The following TRPM1 variants were observed in gnomAD, a reference collection of about 807,000 sequenced individuals.
TRPM1 encodes TRPM1-203 APA Isoform, Intron 10.
TRPM1 carries 113 observed loss-of-function variants against 149.4 expected under a neutral mutation model. The ratio of observed to expected loss-of-function variants is 0.76; its 90% CI spans 0.65 to 0.88. The LOEUF (loss-of-function observed/expected upper bound fraction) is 0.88, where lower values mean the gene tolerates loss of function less well. TRPM1 is among the 40% of genes least tolerant of loss of function. The pLI is 0.00. For missense variants in TRPM1, 1,976 were observed against 2,038.7 expected (o/e 0.97, Z 0.59); for synonymous variants, 741 against 759.5 (o/e 0.98, Z 0.40).
chr15:31,075,500 T>C (rs545598061), intron 3 of TRPM1, among the ~76,000 whole-genome samples: 2 of 152,358 alleles, frequency 1.3e-5, no homozygotes, highest in East Asian at 3.9e-4. Context: ...TCACTTTCTG[T>C]GGTTGCTGCT....
chr15:31,060,959 C>G (rs572008144), intron 10 of TRPM1, among the ~76,000 whole-genome samples: 575 of 152,276 alleles, frequency 3.8e-3, no homozygotes, highest in Non-Finnish European at 6.1e-3. Flanking sequence ...AGGCAGCCAG[C>G]CTGACAGTGA....
intron 23 of TRPM1, 39 bp downstream of exon 23, chr15:31,030,944 A>C (rs1275931222): frequency 6.2e-7 from 1 of 1,612,180 alleles, no homozygotes; most frequent in East Asian, 2.2e-5. Flanking sequence ...TCTGCCTCAG[A>C]AGCAGGGAAG....
chr15:31,047,060 A>G, intron 15 of TRPM1, 51 bp downstream of exon 15: 1 of 1,612,074 alleles, frequency 6.2e-7, no homozygotes, highest in South Asian at 1.1e-5. Context: ...CAAGCGAGGA[A>G]CCACATGGTA....
upstream of TRPM1, among the ~76,000 whole-genome samples, chr15:31,103,117 T>G (rs1341779731): frequency 6.6e-6 from 1 of 152,108 alleles, no homozygotes; most frequent in Non-Finnish European, 1.5e-5. Context: ...GGAGGCTCTG[T>G]GGTCAGCACC....
At chr15:31,147,026 GT>G (rs1373319736) in intron 1 of TRPM1, among the ~76,000 whole-genome samples, 1 of 151,298 alleles carries the variant, frequency 6.6e-6, no homozygotes, top group Non-Finnish European at 1.5e-5. Flanking sequence ...TTTGTTCCTT[GT>G]TTCTGTTTTC....
In TRPM1 at chr15:31,001,993, A is replaced by T; in HGVS notation, c.4707T>A (p.Ser1569=). 6.2e-7 allele frequency: 1 copy of T among 1,614,152 alleles called. No homozygotes were observed. Among genetic ancestry groups the T allele is most frequent in the Non-Finnish European group, 8.5e-7 (1 of 1,180,018 alleles). The part of the protein sequence containing the change: ...VKPDQTLGFP[S]LRSKSLHGHP... ...GTCCATGTAAACTTTTTGACCTGAG[A>T]GATGGGAATCCCAAAGTTTGATCTG... The change falls in exon 28 of 28, where the codon TCT becomes TCA. Residue 1569 remains serine, a synonymous_variant. Coordinates refer to ENST00000256552, the MANE Select transcript of TRPM1 (RefSeq NM_001252024.2).
intron 1 of TRPM1, among the ~76,000 whole-genome samples, chr15:31,089,401 T>G (rs1171077760): frequency 6.6e-6 from 1 of 152,236 alleles, no homozygotes; most frequent in Non-Finnish European, 1.5e-5. Context: ...GTTTCTTCCC[T>G]ACAGAGTCCA....
chr15:31,113,649 C>T (rs2035747917), intron 1 of TRPM1, among the ~76,000 whole-genome samples: 1 of 152,100 alleles, frequency 6.6e-6, no homozygotes, highest in Non-Finnish European at 1.5e-5. Flanking sequence ...ATTTTATCAA[C>T]TAGTTTTTTG....
intron 1 of TRPM1, among the ~76,000 whole-genome samples, chr15:31,147,045 C>T (rs1441709967): frequency 1.3e-5 from 2 of 152,092 alleles, no homozygotes; most frequent in African/African-American, 4.8e-5. Flanking sequence ...TTCTTCAGCC[C>T]TTTTTCTGCC....
intron 1 of TRPM1, among the ~76,000 whole-genome samples, chr15:31,131,038 T>C (rs536681569): frequency 2.0e-5 from 3 of 152,294 alleles, no homozygotes; most frequent in African/African-American, 7.2e-5. Context: ...CAGTAGTCCT[T>C]CTTATCTGCA....
intron 4 of TRPM1, among the ~76,000 whole-genome samples, chr15:31,068,626 CTCAGCTACT>C (rs2034447296): frequency 6.6e-6 from 1 of 151,462 alleles, no homozygotes; most frequent in South Asian, 2.1e-4. Flanking sequence ...TACCTGTAAT[CTCAGCTACT>C]TCAGAAGCTG....
rs1208544002 is a variant in TRPM1, at chr15:31,003,020, A to G, written c.3680T>C (p.Phe1227Ser). The G allele has an allele frequency of 6.3e-7, 1 of 1,597,660 alleles. No homozygotes were observed. The highest frequency in any genetic ancestry group is 1.1e-5 in the South Asian group (1 of 86,978). ...RLEEINERET[F>S]MKTSLQTVDL... is the part of the protein sequence containing the mutation. ...AACAGTCTGCAGGGAAGTTTTCATA[A>G]AAGTTTCTCTTTCATTGATTTCTTC... Residue 1227 changes from phenylalanine to serine, a missense_variant, in exon 28 of 28, where the codon TTT (phenylalanine) becomes TCT (serine). Phe to Ser is a radical substitution (Grantham distance 155). Transcript: ENST00000256552.
intron 3 of TRPM1, among the ~76,000 whole-genome samples, chr15:31,075,486 A>G (rs1369177793): frequency 6.6e-6 from 1 of 152,088 alleles, no homozygotes; most frequent in Non-Finnish European, 1.5e-5. Flanking sequence ...CATTATAACC[A>G]CTCTCACTTT....
In TRPM1 at chr15:31,063,200, G is replaced by C; in HGVS notation, c.883C>G (p.Pro295Ala). The C allele has an allele frequency of 6.2e-7, 1 of 1,614,158 alleles. No homozygotes were observed. The highest frequency in any genetic ancestry group is 8.5e-7 in the Non-Finnish European group (1 of 1,180,030). ...IVLEYLQEEP[P>A]IPVVICDGSG... ...CCATCACAAATCACCACAGGGATGGGAGGCTCTTCTTGCAGGTATTCCAAG... is the reference window on the plus strand; with the variant it reads ...CCATCACAAATCACCACAGGGATGGCAGGCTCTTCTTGCAGGTATTCCAAG... The change falls in exon 8 of 28, where the codon CCC (proline) becomes GCC (alanine). Residue 295 changes from proline (P) to alanine (A), a missense_variant. Around this residue, in one of 3 missense-constraint regions of TRPM1, gnomAD observed 1,332 missense variants for 1,347.1 expected, o/e 0.99. Coordinates refer to ENST00000256552, the MANE Select transcript of TRPM1 (RefSeq NM_001252024.2).
chr15:31,129,319 A>T (rs753385883), intron 1 of TRPM1, among the ~76,000 whole-genome samples: 1 of 152,108 alleles, frequency 6.6e-6, no homozygotes, highest in Non-Finnish European at 1.5e-5. Context: ...TACTGCGCAG[A>T]TCTGTCCAGT....
At chr15:31,046,007 T>C (rs899032095) in intron 16 of TRPM1, among the ~76,000 whole-genome samples, 197 bp downstream of exon 16, 1 of 152,212 alleles carries the variant, frequency 6.6e-6, no homozygotes, top group African/African-American at 2.4e-5. Flanking sequence ...ACTGTGGTTT[T>C]GTTAGTTCTA....
At chr15:31,142,907 TCTAGAA>T in intron 1 of TRPM1, among the ~76,000 whole-genome samples, 2 of 152,228 alleles carry the variant, frequency 1.3e-5, no homozygotes, top group Non-Finnish European at 2.9e-5. Flanking sequence ...GTATGAGATT[TCTAGAA>T]ATCTGATGTG....
chr15:31,086,274 C>A (rs1317954691), intron 1 of TRPM1, among the ~76,000 whole-genome samples: 1 of 152,154 alleles, frequency 6.6e-6, no homozygotes, highest in African/African-American at 2.4e-5. Context: ...TGGCCTCTAG[C>A]CCCTCAGGTG....
At chr15:31,142,949 A>ATGTTAT (rs1650118031) in intron 1 of TRPM1, among the ~76,000 whole-genome samples, 1 of 152,238 alleles carries the variant, frequency 6.6e-6, no homozygotes, top group South Asian at 2.1e-4. Context: ...GTCAGTTATT[A>ATGTTAT]TGTTAAAATG....
Sources: gnomAD v4.1 joint callset for allele counts (sites outside exome capture counted in the v4.1 genomes callset) on GRCh38, gnomAD v4.1.1 for gene constraint, gnomAD v4.1.1 regional missense constraint, MANE v1.5 for transcripts, NCBI Gene and HGNC (gene_info 2026-07-23, HGNC 2026-07-21) for gene names.